Variants in GNAO1 observed in about 807,000 individuals in gnomAD.
The protein encoded by GNAO1 is guanine nucleotide-binding protein G(o) subunit alpha.
For synonymous variants in GNAO1, 164 were observed against 180.7 expected (o/e 0.91, Z 0.74); for missense variants, 166 against 478.7 (o/e 0.35, Z 6.10).
At chr16:56,310,511 G>A (rs1391046265) in intron 3 of GNAO1, among the ~76,000 whole-genome samples, 1 of 152,134 alleles carries the variant, frequency 6.6e-6, no homozygotes, top group Non-Finnish European at 1.5e-5. Flanking sequence ...CCTTCTTAGG[G>A]GGAGTATTGG....
At chr16:56,194,066 T>C (rs781207601) in intron 2 of GNAO1, 3 of 455,124 alleles carry the variant, frequency 6.6e-6, no homozygotes, top group South Asian at 4.6e-5. Flanking sequence ...GTAACAGGCA[T>C]GACAAGCGGG....
In GNAO1 at chr16:56,356,478, C is replaced by G. The variant is rs1567498411; in HGVS notation, c.*404C>G. The G allele has an allele frequency of 2.6e-5, 4 of 152,450 alleles. No individual in the cohort carries two copies. Among genetic ancestry groups the G allele is most frequent in the African/African-American group, 7.2e-5 (3 of 41,460 alleles). 9.4% of individuals were successfully genotyped at this position (152,450 alleles called of 1,614,324 possible). A position where few individuals can be genotyped will look rare whatever the true frequency, so the allele number is the denominator to read the frequency against. On this transcript the variant is annotated 3_prime_UTR_variant, in exon 9 of 9. Coordinates refer to ENST00000262493, the MANE Select transcript of GNAO1 (RefSeq NM_020988.3). Reference sequence around the variant, plus strand: ...GGCAGGGCCCATCTGCCGCCTGGGGCTCCGGTGCGGTGCACTGGTCCGAGG... The same window carrying G: ...GGCAGGGCCCATCTGCCGCCTGGGGGTCCGGTGCGGTGCACTGGTCCGAGG...
chr16:56,242,193 G>C (rs1408663753), intron 2 of GNAO1, among the ~76,000 whole-genome samples: 1 of 107,610 alleles, frequency 9.3e-6, no homozygotes, highest in Admixed American at 9.3e-5. Context: ...GTAGTAATAA[G>C]GGGAGGAGAA....
intron 6 of GNAO1, among the ~76,000 whole-genome samples, chr16:56,348,636 C>T (rs541912081): frequency 7.2e-5 from 11 of 152,318 alleles, no homozygotes; most frequent in South Asian, 4.1e-4. Context: ...TGTACCCCGG[C>T]GTCTGCTTCC....
intron 2 of GNAO1, among the ~76,000 whole-genome samples, chr16:56,215,098 T>C (rs2036426685): frequency 6.6e-6 from 1 of 152,218 alleles, no homozygotes; most frequent in Admixed American, 6.5e-5. Context: ...TACCCATAGC[T>C]GGTGGCTGCC....
At chr16:56,254,547 A>C (rs1371873024) in intron 2 of GNAO1, among the ~76,000 whole-genome samples, 4 of 151,858 alleles carry the variant, frequency 2.6e-5, no homozygotes, top group African/African-American at 9.7e-5. Context: ...TATTTTCAAC[A>C]TTTCTGTATA....
intron 3 of GNAO1, among the ~76,000 whole-genome samples, chr16:56,296,971 C>T (rs1208926707): frequency 2.0e-5 from 3 of 152,118 alleles, no homozygotes; most frequent in Non-Finnish European, 4.4e-5. Context: ...CTCCCTCATG[C>T]CTAAAATCTC....
chr16:56,276,101 A>G, intron 3 of GNAO1, 29 bp downstream of exon 3: 1 of 1,596,732 alleles, frequency 6.3e-7, no homozygotes, highest in Non-Finnish European at 8.6e-7. Flanking sequence ...AAGCACAGCA[A>G]CAAGAGGTTC....
chr16:56,195,183 A>C (rs1312940082), intron 2 of GNAO1, among the ~76,000 whole-genome samples: 2 of 151,200 alleles, frequency 1.3e-5, no homozygotes, highest in Non-Finnish European at 2.9e-5. Context: ...ACAATACACC[A>C]ACTCTCTTTA....
chr16:56,328,916 C>A, intron 4 of GNAO1, 125 bp downstream of exon 4: 1 of 904,560 alleles, frequency 1.1e-6, no homozygotes, highest in Non-Finnish European at 1.7e-6. Context: ...GGGAGATGTT[C>A]TCCCATAGGT....
intron 3 of GNAO1, among the ~76,000 whole-genome samples, chr16:56,290,717 C>T (rs1363122987): frequency 6.6e-6 from 1 of 152,198 alleles, no homozygotes; most frequent in Non-Finnish European, 1.5e-5. Context: ...TGTGCATCCA[C>T]TCCTGGAACC....
At chr16:56,196,390 A>T (rs1202810564) in intron 2 of GNAO1, among the ~76,000 whole-genome samples, 1 of 152,216 alleles carries the variant, frequency 6.6e-6, no homozygotes, top group Non-Finnish European at 1.5e-5. Flanking sequence ...ACTCTGAGTT[A>T]TTCAGACTAA....
chr16:56,260,618 T>C (rs976300670), intron 2 of GNAO1, among the ~76,000 whole-genome samples: 2 of 152,062 alleles, frequency 1.3e-5, no homozygotes, highest in Non-Finnish European at 2.9e-5. Context: ...TGCTTTGGCT[T>C]TGGCATCCAG....
chr16:56,193,236 A>G, intron 2 of GNAO1: 1 of 153,784 alleles, frequency 6.5e-6, no homozygotes, highest in Non-Finnish European at 1.4e-5. Flanking sequence ...GGGTTAGGGG[A>G]GGGGTCGTGT....
chr16:56,337,346 C>T lies in GNAO1; in HGVS notation c.723+486C>T, dbSNP rs895301560. On this transcript the variant is annotated intron_variant, in intron 6 of 8. Transcript: ENST00000262493. The stretch of plus-strand genomic sequence containing the variant: ...GGCCCAGGATGCTGCAGGAGAGTTG[C>T]GTGGGGTTGGGGGTGCTGGGGAGCA... Among the ~76,000 whole-genome samples, 5 of 151,954 alleles carry T rather than the reference C, an allele frequency of 3.3e-5. No individual in the cohort carries two copies. The South Asian group carries it at 6.3e-4, about 19-fold the overall frequency.
chr16:56,278,735 G>A (rs566010783), intron 3 of GNAO1, among the ~76,000 whole-genome samples: 2 of 152,188 alleles, frequency 1.3e-5, no homozygotes, highest in African/African-American at 4.8e-5. Flanking sequence ...TGATCTGGGG[G>A]TAGGAGGAGC....
At chr16:56,281,163 G>A (rs1215784493) in intron 3 of GNAO1, among the ~76,000 whole-genome samples, 1 of 152,130 alleles carries the variant, frequency 6.6e-6, no homozygotes. Context: ...TGTAGACATG[G>A]AAGCCTAACA....
intron 8 of GNAO1, 171 bp from the exon 9 acceptor site, chr16:56,355,929 GCTT>G (rs2037964194): frequency 6.6e-6 from 1 of 152,284 alleles, no homozygotes; most frequent in South Asian, 2.1e-4. Flanking sequence ...GGGGGGCCAG[GCTT>G]CCCCAGGTGC....
chr16:56,290,908 T>C (rs1458648067), intron 3 of GNAO1, among the ~76,000 whole-genome samples: 1 of 152,258 alleles, frequency 6.6e-6, no homozygotes, highest in African/African-American at 2.4e-5. Flanking sequence ...ATGTACTCTT[T>C]TGCATCTTGC....
Sources: allele counts gnomAD v4.1 joint callset (sites outside exome capture counted in the v4.1 genomes callset), GRCh38; gene constraint gnomAD v4.1.1; transcripts MANE v1.5; gene names NCBI Gene and HGNC (gene_info 2026-07-23, HGNC 2026-07-21).